Variants in FAM227A observed in about 807,000 individuals in gnomAD.
The protein encoded by FAM227A is family with sequence similarity 227 member A.
A neutral mutation model predicts 74.7 loss-of-function variants in FAM227A; 80 were observed. The observed-to-expected ratio is 1.07, with a 90% CI of 0.89 to 1.29. The LOEUF is 1.29. FAM227A is among the 50% of genes most tolerant of loss of function. The pLI is 0.00. For synonymous variants in FAM227A, 237 were observed against 241.8 expected, an observed-to-expected ratio of 0.98 and a Z score of 0.19; for missense variants, 654 against 683.4, an observed-to-expected ratio of 0.96 and a Z score of 0.48.
rs2091730795 is a variant in FAM227A at position 38,623,298 on chromosome 22, G to A, written c.851-19C>T. The A allele has an allele frequency of 6.0e-6, 9 of 1,502,292 alleles. No individual in the cohort carries two copies. The South Asian group carries it at 8.4e-5, about 14-fold the overall frequency. 93.1% of individuals were successfully genotyped at this position (1,502,292 alleles called of 1,614,324 possible). On this transcript the variant is annotated intron_variant, in intron 9 of 16. Coordinates refer to ENST00000535113, the MANE Select transcript of FAM227A (RefSeq NM_001013647.2). ...TAGGTGCCTAAGGGAGGAGTCAAGA[G>A]TGAGAATGGGGCCGGGTGCGGTGGA...
At chr22:38,623,048 T>A (rs2091724364) in intron 10 of FAM227A, 124 bp downstream of exon 10, 1 of 669,428 alleles carries the variant, frequency 1.5e-6, no homozygotes, top group Non-Finnish European at 2.6e-6. Flanking sequence ...GGTGGCTAAT[T>A]TGGGGGTACC....
chr22:38,611,950 C>T lies in FAM227A; in HGVS notation c.1039-4474G>A, dbSNP rs143188311. On this transcript the variant is annotated intron_variant, in intron 11 of 16. Transcript: ENST00000535113. Reference sequence around the variant, plus strand: ...CGCTGTCCATCTCAGTAAATGGCACCATTCAGATGCTGAAGCCGCACACCT... The same window carrying T: ...CGCTGTCCATCTCAGTAAATGGCACTATTCAGATGCTGAAGCCGCACACCT... Among the ~76,000 whole-genome samples the T allele has an allele frequency of 2.6e-3, 395 of 152,256 alleles. 1 individual carries two copies. The highest frequency in any genetic ancestry group is 9.2e-3 in the African/African-American group (380 of 41,528).
At chr22:38,625,476 G>A (rs2091778366) in intron 9 of FAM227A, among the ~76,000 whole-genome samples, 1 of 152,038 alleles carries the variant, frequency 6.6e-6, no homozygotes. Flanking sequence ...TGGCCACTGG[G>A]GGGTCACATG....
chr22:38,629,487 C>CAGG (rs2091874370), intron 6 of FAM227A, among the ~76,000 whole-genome samples: 1 of 152,224 alleles, frequency 6.6e-6, no homozygotes, highest in South Asian at 2.1e-4. Context: ...GTATCTGCCC[C>CAGG]AGGGCTAACA....
chr22:38,590,113 C>CAAAAA (rs1237689918), intron 16 of FAM227A, among the ~76,000 whole-genome samples: 1 of 150,048 alleles, frequency 6.7e-6, no homozygotes, highest in East Asian at 2.0e-4. Context: ...CAAAACAAAA[C>CAAAAA]AAAAAAACGA....
chr22:38,586,941 G>A (rs541215737), intron 16 of FAM227A, among the ~76,000 whole-genome samples: 4 of 152,080 alleles, frequency 2.6e-5, no homozygotes, highest in Non-Finnish European at 2.9e-5. Flanking sequence ...GCCTCCCAAA[G>A]TGCTGAAATT....
At chr22:38,654,136 C>A (rs2092357982) in intron 1 of FAM227A, among the ~76,000 whole-genome samples, 1 of 151,948 alleles carries the variant, frequency 6.6e-6, no homozygotes, top group African/African-American at 2.4e-5. Flanking sequence ...ATGACGAGGT[C>A]AGGAGATCCA....
Position 38,650,276 on chromosome 22 carries a change from A to G in FAM227A, c.-94-14T>C. On this transcript the variant is annotated splice_polypyrimidine_tract_variant and intron_variant, in intron 1 of 16. Transcript: ENST00000535113. Reference sequence around the variant, plus strand: ...TTAATCAGCCTCCTGGAAATCATAAACAGCATAGAGCCAGCTCAGAAAACA... The same window carrying G: ...TTAATCAGCCTCCTGGAAATCATAAGCAGCATAGAGCCAGCTCAGAAAACA... The G allele has an allele frequency of 8.8e-7, 1 of 1,130,322 alleles. No homozygotes were observed. Among genetic ancestry groups the G allele is most frequent in the Non-Finnish European group, 1.3e-6 (1 of 789,832 alleles). 70.0% of individuals were successfully genotyped at this position (1,130,322 alleles called of 1,614,324 possible). A position where few individuals can be genotyped will look rare whatever the true frequency, so the allele number is the denominator to read the frequency against.
Position 38,599,345 on chromosome 22 carries a change from C to A in FAM227A, c.1379+419G>T, listed in dbSNP as rs151285470. Among the ~76,000 whole-genome samples, 1,140 of 152,154 alleles carry A rather than the reference C, an allele frequency of 7.5e-3. 33 individuals are homozygous for A. The highest frequency in any genetic ancestry group is 0.061 in the Admixed American group (934 of 15,278). ...CAGGGCCAGGAATATGCTGATGGGT[C>A]TAAGGGAGGAATGTGTCTGAGGAGG... On this transcript the variant is annotated intron_variant, in intron 14 of 16. Transcript: ENST00000535113.
chr22:38,613,697 T>C (rs2091517541), intron 11 of FAM227A, among the ~76,000 whole-genome samples: 1 of 151,906 alleles, frequency 6.6e-6, no homozygotes, highest in South Asian at 2.1e-4. Context: ...GTACCACCCT[T>C]GTATAATATG....
chr22:38,610,890 T>C (rs986091693), intron 11 of FAM227A, among the ~76,000 whole-genome samples: 11 of 152,104 alleles, frequency 7.2e-5, no homozygotes, highest in Non-Finnish European at 1.2e-4. Flanking sequence ...TGAAACCCTG[T>C]CTCTACTAAA....
intron 15 of FAM227A, among the ~76,000 whole-genome samples, chr22:38,592,794 G>T (rs1175128025): frequency 6.6e-6 from 1 of 152,156 alleles, no homozygotes; most frequent in Non-Finnish European, 1.5e-5. Context: ...AATTATAACT[G>T]ATACAATTAC....
rs749998481 is a variant in FAM227A, at chr22:38,626,184, A to G, written c.846T>C (p.Ile282=). 10 of 1,551,112 alleles carry G rather than the reference A, an allele frequency of 6.4e-6. No homozygotes were observed. In the East Asian group the frequency reaches 2.2e-4, roughly 34 times the overall value. ...SDICNTMSLW[I]SGTYPSPQSY... is the part of the protein sequence containing the mutation. ...TGGAAAAAAGTCACCTCTCACCTGA[A>G]ATCCACAGGCTCATTGTGTTACAGA... Residue 282 remains isoleucine, a synonymous_variant, in exon 9 of 17, where the codon ATT becomes ATC. Coordinates refer to ENST00000535113, the MANE Select transcript of FAM227A (RefSeq NM_001013647.2).
chr22:38,599,737 G>A (rs1413919318), intron 14 of FAM227A, 27 bp downstream of exon 14: 22 of 1,542,680 alleles, frequency 1.4e-5, no homozygotes, highest in South Asian at 3.6e-5. Flanking sequence ...GGAGCAGTGC[G>A]CACCCTGCCC....
At chr22:38,637,621 A>G (rs1411457124) in intron 5 of FAM227A, among the ~76,000 whole-genome samples, 1 of 152,184 alleles carries the variant, frequency 6.6e-6, no homozygotes, top group Admixed American at 6.5e-5. Context: ...CACGGCACTG[A>G]CTCTGAGTTA....
chr22:38,625,907 C>G (rs1178790020), intron 9 of FAM227A, among the ~76,000 whole-genome samples: 1 of 146,676 alleles, frequency 6.8e-6, no homozygotes, highest in Non-Finnish European at 1.5e-5. Context: ...CGCACCATTG[C>G]ACTCCAGCCT....
In FAM227A at chr22:38,618,805, G is replaced by A. The variant is rs186858549; in HGVS notation, c.1038+1407C>T. ...CTTTGCAGGTCCTAAAGTCTCTATCGCAAGTACTCAACTCTGCTGTTTCAG... is the reference window on the plus strand; with the variant it reads ...CTTTGCAGGTCCTAAAGTCTCTATCACAAGTACTCAACTCTGCTGTTTCAG... On this transcript the variant is annotated intron_variant, in intron 11 of 16. Transcript: ENST00000535113. Among the ~76,000 whole-genome samples, 114 of 152,156 alleles carry A rather than the reference G, an allele frequency of 7.5e-4. 2 individuals are homozygous for A. The highest frequency in any genetic ancestry group is 2.6e-3 in the African/African-American group (110 of 41,518).
At position 38,597,366 on chromosome 22, in the gene FAM227A, G is replaced by A. The variant is rs369802019; in HGVS notation, c.1380-10C>T. On this transcript the variant is annotated splice_polypyrimidine_tract_variant and intron_variant, in intron 14 of 16. Coordinates refer to ENST00000535113, the MANE Select transcript of FAM227A (RefSeq NM_001013647.2). The stretch of plus-strand genomic sequence containing the variant: ...CGTTGGGGTGCAGTCAGTGGCTTCC[G>A]CTGTCAAGGAAATCCCCGTACTGTG... 127 of 1,551,466 alleles carry A rather than the reference G, an allele frequency of 8.2e-5. 1 individual carries two copies. The African/African-American group carries it at 1.6e-3, about 20-fold the overall frequency.
intron 5 of FAM227A, among the ~76,000 whole-genome samples, chr22:38,637,980 A>C (rs2092038816): frequency 6.6e-6 from 1 of 152,152 alleles, no homozygotes; most frequent in Non-Finnish European, 1.5e-5. Context: ...CAGCCTAGCC[A>C]ACATGGTGAA....
Sources: allele counts gnomAD v4.1 joint callset (sites outside exome capture counted in the v4.1 genomes callset), GRCh38; gene constraint gnomAD v4.1.1; transcripts MANE v1.5; gene names NCBI Gene and HGNC (gene_info 2026-07-23, HGNC 2026-07-21).